The following AOPEP variants were observed in gnomAD, a reference collection of about 807,000 sequenced individuals.
The protein encoded by AOPEP is aminopeptidase O (putative).
In AOPEP, 77 loss-of-function variants were observed where a neutral mutation model predicts 98.1. That is an observed-to-expected ratio of 0.78 (90% CI 0.65 to 0.95). AOPEP has a LOEUF of 0.95. AOPEP is among the 40% of genes least tolerant of loss of function. The probability of loss-of-function intolerance (pLI) is 0.00; values close to 1 mark genes in which losing one functional copy is unlikely to be tolerated. For missense variants in AOPEP, 1,024 were observed against 1,024.7 expected (o/e 1.00, Z 0.01); for synonymous variants, 346 against 365.3 (o/e 0.95, Z 0.60).
At chr9:94,809,109 A>G (rs1292994712) in intron 5 of AOPEP, among the ~76,000 whole-genome samples, 1 of 152,252 alleles carries the variant, frequency 6.6e-6, no homozygotes, top group Non-Finnish European at 1.5e-5. Context: ...ATGAGGAAGT[A>G]TAGACCTTTA....
chr9:94,857,016 G>T (rs1564268785), intron 5 of AOPEP, among the ~76,000 whole-genome samples: 1 of 152,242 alleles, frequency 6.6e-6, no homozygotes, highest in Non-Finnish European at 1.5e-5. Context: ...AAATGGGGCT[G>T]TTGAACTTAA....
chr9:94,924,292 T>A (rs1334856696), intron 6 of AOPEP, 117 bp downstream of exon 6: 1 of 761,044 alleles, frequency 1.3e-6, no homozygotes, highest in Non-Finnish European at 1.8e-6. Flanking sequence ...CAAATTTTGC[T>A]GGGGAGATGG....
At chr9:94,732,939 G>T (rs1234636486) in intron 1 of AOPEP, among the ~76,000 whole-genome samples, 1 of 152,104 alleles carries the variant, frequency 6.6e-6, no homozygotes, top group Non-Finnish European at 1.5e-5. Flanking sequence ...AGATCCTTCA[G>T]TGGTCATGTT....
chr9:94,738,740 A>AT (rs1241939476), intron 1 of AOPEP, among the ~76,000 whole-genome samples: 4 of 151,384 alleles, frequency 2.6e-5, no homozygotes, highest in African/African-American at 9.7e-5. Context: ...CGCTTGGCTA[A>AT]TTTTTTTGTA....
the AOPEP span, chr9:95,101,662 G>A: frequency 2.7e-5 from 44 of 1,610,644 alleles, no homozygotes; most frequent in East Asian, 1.8e-4. Context: ...TGGCCCTGGC[G>A]AGCCTGATCC....
intron 5 of AOPEP, among the ~76,000 whole-genome samples, chr9:94,911,986 C>T (rs1479318717): frequency 1.3e-5 from 2 of 152,222 alleles, no homozygotes; most frequent in Non-Finnish European, 2.9e-5. Context: ...CAGAAGACCC[C>T]TGTGCCCCTT....
At chr9:95,102,641 G>C in the AOPEP span, among the ~76,000 whole-genome samples, 56 of 152,234 alleles carry the variant, frequency 3.7e-4, no homozygotes, top group Non-Finnish European at 6.2e-4. Context: ...TCCTCTGGAA[G>C]GGTTGGGCCG....
intron 13 of AOPEP, among the ~76,000 whole-genome samples, chr9:95,054,042 G>C (rs963326216): frequency 1.3e-5 from 2 of 152,120 alleles, no homozygotes; most frequent in Non-Finnish European, 2.9e-5. Flanking sequence ...GAAACAAAAA[G>C]AAGGAAATTT....
At chr9:94,773,278 G>A in intron 3 of AOPEP, 110 bp downstream of exon 3, 1 of 1,000,678 alleles carries the variant, frequency 1.0e-6, no homozygotes, top group Non-Finnish European at 1.5e-6. Context: ...TAGTTGGGTT[G>A]GAAATGATCA....
At chr9:94,926,169 C>T (rs937098837) in intron 6 of AOPEP, among the ~76,000 whole-genome samples, 1 of 152,202 alleles carries the variant, frequency 6.6e-6, no homozygotes, top group African/African-American at 2.4e-5. Flanking sequence ...AGTGCTCCTC[C>T]TTACCCTTCC....
chr9:95,066,522 G>C (rs1195715550), intron 14 of AOPEP, among the ~76,000 whole-genome samples: 2 of 152,206 alleles, frequency 1.3e-5, no homozygotes, highest in Non-Finnish European at 2.9e-5. Flanking sequence ...TGTTTAAAGA[G>C]AGAGGGCATT....
intron 3 of AOPEP, among the ~76,000 whole-genome samples, chr9:94,791,572 G>C (rs1845731846): frequency 6.6e-6 from 1 of 152,124 alleles, no homozygotes; most frequent in South Asian, 2.1e-4. Flanking sequence ...TGGAAGGTGA[G>C]GTGGGAGAAT....
At chr9:95,135,120 A>T in the AOPEP span, among the ~76,000 whole-genome samples, 11 of 152,200 alleles carry the variant, frequency 7.2e-5, no homozygotes, top group Admixed American at 2.0e-4. Context: ...CATGTGATAT[A>T]CGGCATATCA....
intron 13 of AOPEP, among the ~76,000 whole-genome samples, chr9:95,051,954 C>T (rs769166469): frequency 2.0e-5 from 3 of 152,178 alleles, no homozygotes; most frequent in African/African-American, 7.2e-5. Context: ...CTGCCCACCT[C>T]GGCCTCCCAA....
intron 4 of AOPEP, among the ~76,000 whole-genome samples, chr9:94,794,621 A>G (rs1054463589): frequency 1.3e-5 from 2 of 151,896 alleles, no homozygotes; most frequent in African/African-American, 4.8e-5. Flanking sequence ...TAGCTTGCCT[A>G]TTTTGGACTG....
intron 11 of AOPEP, among the ~76,000 whole-genome samples, chr9:94,998,402 A>G (rs2061367545): frequency 6.6e-6 from 1 of 152,094 alleles, no homozygotes; most frequent in African/African-American, 2.4e-5. Context: ...TTCTGTAGGT[A>G]ATTGCCACTC....
chr9:95,056,195 T>C (rs914501048), intron 13 of AOPEP: 2 of 152,232 alleles, frequency 1.3e-5, no homozygotes, highest in Non-Finnish European at 2.9e-5. Context: ...GGGGTAATAA[T>C]AGAACTCATG....
At chr9:95,149,811 G>T in the AOPEP span, 1 of 1,189,216 alleles carries the variant, frequency 8.4e-7, no homozygotes, top group Non-Finnish European at 1.2e-6. Flanking sequence ...AGTATAAAGG[G>T]TACTGAGACA....
chr9:95,046,229 C>A (rs2065856763), intron 13 of AOPEP, among the ~76,000 whole-genome samples: 1 of 152,226 alleles, frequency 6.6e-6, no homozygotes, highest in Admixed American at 6.5e-5. Flanking sequence ...CCTTTTGTGG[C>A]TTATCCCAAA....
Sources: gnomAD v4.1 joint callset for allele counts (sites outside exome capture counted in the v4.1 genomes callset) on GRCh38, gnomAD v4.1.1 for gene constraint, MANE v1.5 for transcripts, NCBI Gene and HGNC (gene_info 2026-07-23, HGNC 2026-07-21) for gene names.